Variants in CYP20A1 observed in about 807,000 individuals in gnomAD.
CYP20A1 encodes the protein cytochrome P450 20A1.
CYP20A1 carries 61 observed loss-of-function variants against 61.4 expected under a neutral mutation model. The ratio of observed to expected loss-of-function variants is 0.99; its 90% CI spans 0.81 to 1.23. The LOEUF (loss-of-function observed/expected upper bound fraction) is 1.23. CYP20A1 is among the 50% of genes most tolerant of loss of function. The pLI, the probability that CYP20A1 is intolerant of heterozygous loss-of-function variation, is 0.00. For missense variants in CYP20A1, 530 were observed against 542.4 expected, an observed-to-expected ratio of 0.98 and a Z score of 0.23; for synonymous variants, 193 against 188.2, an observed-to-expected ratio of 1.03 and a Z score of -0.21.
intron 3 of CYP20A1, among the ~76,000 whole-genome samples, 174 bp from the exon 4 acceptor site, chr2:203,251,793 G>GTGTATATATATATATA (rs1553513992): frequency 6.2e-5 from 4 of 64,180 alleles, no homozygotes; most frequent in East Asian, 3.3e-4. Context: ...ATATATATGT[G>GTGTATATATATATATA]TATATATATA....
chr2:203,256,849 C>T (rs1337161534), intron 4 of CYP20A1, among the ~76,000 whole-genome samples: 1 of 152,094 alleles, frequency 6.6e-6, no homozygotes, highest in Non-Finnish European at 1.5e-5. Context: ...TTATTTGACT[C>T]CTCTCTTACT....
intron 5 of CYP20A1, among the ~76,000 whole-genome samples, chr2:203,271,095 T>C (rs2067577539): frequency 1.9e-5 from 2 of 107,820 alleles, no homozygotes; most frequent in African/African-American, 6.6e-5. Context: ...TTTTTTTTTT[T>C]TTTTTTTTTT....
intron 8 of CYP20A1, 139 bp from the exon 9 acceptor site, chr2:203,285,473 G>A: frequency 1.2e-6 from 1 of 861,600 alleles, no homozygotes. Flanking sequence ...CTTTTTAGTA[G>A]CACTTATATA....
intron 8 of CYP20A1, among the ~76,000 whole-genome samples, chr2:203,282,422 C>T (rs1425316586): frequency 1.3e-5 from 2 of 151,652 alleles, no homozygotes; most frequent in East Asian, 3.9e-4. Context: ...TTGCGTGAGC[C>T]CCAGGAGTTT....
chr2:203,292,175 A>G, intron 10 of CYP20A1, 87 bp from the exon 11 acceptor site: 1 of 756,646 alleles, frequency 1.3e-6, no homozygotes, highest in Non-Finnish European at 2.2e-6. Context: ...CAATATCTAT[A>G]TTAAAAGAAG....
intron 11 of CYP20A1, among the ~76,000 whole-genome samples, chr2:203,293,568 T>C (rs796575070): frequency 5.9e-5 from 9 of 151,952 alleles, no homozygotes; most frequent in African/African-American, 2.2e-4. Flanking sequence ...TTTTGCTTTT[T>C]TTAAATTTAT....
chr2:203,242,302 G>A (rs4675324), intron 1 of CYP20A1, among the ~76,000 whole-genome samples: 60,165 of 151,954 alleles, frequency 0.4, 12,399 homozygotes, highest in East Asian at 0.63. Flanking sequence ...TAAGAAGAGC[G>A]GTTTCAGTGT....
intron 4 of CYP20A1, among the ~76,000 whole-genome samples, chr2:203,254,439 G>A (rs1418003798): frequency 6.6e-6 from 1 of 151,896 alleles, no homozygotes; most frequent in Non-Finnish European, 1.5e-5. Flanking sequence ...TAGCTACTCG[G>A]GAGGCTGAGG....
chr2:203,245,575 T>C (rs1353825774), intron 1 of CYP20A1, among the ~76,000 whole-genome samples: 1 of 152,126 alleles, frequency 6.6e-6, no homozygotes, highest in African/African-American at 2.4e-5. Flanking sequence ...CCCCCACTTA[T>C]AAGTGAGAAC....
chr2:203,296,929 A>G lies in CYP20A1; in HGVS notation c.*21A>G. 7.4e-7 allele frequency: 1 copy of G among 1,346,338 alleles called. No individual in the cohort carries two copies. The highest frequency in any genetic ancestry group is 1.3e-5 in the South Asian group (1 of 74,344). The allele number at this position is 1,346,338 out of a possible 1,614,324, so 83.4% of individuals were successfully genotyped here. A position where few individuals can be genotyped will look rare whatever the true frequency, so the allele number is the denominator to read the frequency against. On this transcript the variant is annotated 3_prime_UTR_variant, in exon 13 of 13. Transcript: ENST00000356079. ...ATTAAAATTTTATACATTTAAAATC[A>G]TTGTTAAATTGATTGAGGAAAACAA...
At chr2:203,273,260 G>T (rs1049783049) in intron 6 of CYP20A1, among the ~76,000 whole-genome samples, 1 of 152,230 alleles carries the variant, frequency 6.6e-6, no homozygotes, top group African/African-American at 2.4e-5. Flanking sequence ...ACTGCAGAAT[G>T]AGAGTGTTGT....
chr2:203,280,009 T>C, intron 7 of CYP20A1, 50 bp from the exon 8 acceptor site: 1 of 1,343,858 alleles, frequency 7.4e-7, no homozygotes, highest in Non-Finnish European at 1.0e-6. Flanking sequence ...GGGCCTAATA[T>C]AGGCTACCTT....
intron 4 of CYP20A1, among the ~76,000 whole-genome samples, chr2:203,258,003 G>GTGCAGTTGCACAATTATAGCTCACT: frequency 2.0e-5 from 3 of 151,450 alleles, no homozygotes; most frequent in Non-Finnish European, 3.0e-5. Flanking sequence ...CTGGGCTGAA[G>GTGCAGTTGCACAATTATAGCTCACT]GGATCCTCCT....
At chr2:203,278,840 C>T (rs1007046003) in intron 7 of CYP20A1, 152 bp downstream of exon 7, 32 of 533,712 alleles carry the variant, frequency 6.0e-5, no homozygotes, top group African/African-American at 3.7e-4. Flanking sequence ...TATAGCAAGA[C>T]GCCATCTATA....
Position 203,245,841 on chromosome 2 carries a change from G to C in CYP20A1, c.73-5G>C. 1.9e-6 allele frequency: 3 copies of C among 1,579,036 alleles called. No individual in the cohort carries two copies. Among genetic ancestry groups the C allele is most frequent in the East Asian group, 2.2e-5 (1 of 44,532 alleles). ...ATTCATTATTATAAACTTTTTTTTT[G>C]TAAGGCTTCCAGACAAGCTGCAGGA... On this transcript the variant is annotated splice_region_variant and splice_polypyrimidine_tract_variant and intron_variant, in intron 1 of 12. Coordinates refer to ENST00000356079, the MANE Select transcript of CYP20A1 (RefSeq NM_177538.3).
At chr2:203,272,607 C>A in intron 5 of CYP20A1, 63 bp from the exon 6 acceptor site, 3 of 685,220 alleles carry the variant, frequency 4.4e-6, no homozygotes, top group South Asian at 1.8e-5. Flanking sequence ...GGTTACATTG[C>A]TCTGTATTAT....
chr2:203,295,945 C>A (rs1248224286), intron 11 of CYP20A1, among the ~76,000 whole-genome samples: 1 of 151,052 alleles, frequency 6.6e-6, no homozygotes, highest in African/African-American at 2.4e-5. Flanking sequence ...AAGACTCCGT[C>A]TCAAAAAAAG....
chr2:203,282,464 C>G (rs982775456), intron 8 of CYP20A1, among the ~76,000 whole-genome samples: 26 of 151,926 alleles, frequency 1.7e-4, no homozygotes, highest in African/African-American at 6.3e-4. Flanking sequence ...AAGACCCCAG[C>G]TTAAAAAAAA....
chr2:203,243,878 C>A (rs1434090675), intron 1 of CYP20A1, among the ~76,000 whole-genome samples: 1 of 151,878 alleles, frequency 6.6e-6, no homozygotes, highest in Non-Finnish European at 1.5e-5. Flanking sequence ...TTTAAAGAGA[C>A]GGGGTTTCCC....
Sources: allele counts gnomAD v4.1 joint callset (sites outside exome capture counted in the v4.1 genomes callset), GRCh38; gene constraint gnomAD v4.1.1; transcripts MANE v1.5; gene names NCBI Gene and HGNC (gene_info 2026-07-23, HGNC 2026-07-21).